Variants in ASIC2 observed in about 807,000 individuals in gnomAD.
ASIC2 encodes acid sensing ion channel subunit 2, also known as acid-sensing ion channel 2.
In ASIC2, 25 loss-of-function variants were observed where a neutral mutation model predicts 57.3. That is an observed-to-expected ratio of 0.44 (90% CI 0.32 to 0.61). The LOEUF (loss-of-function observed/expected upper bound fraction) is 0.61, where lower values mean the gene tolerates loss of function less well. ASIC2 is among the 20% of genes least tolerant of loss of function. The pLI, the probability that ASIC2 is intolerant of heterozygous loss-of-function variation, is 0.06. For missense variants in ASIC2, 641 were observed against 738.1 expected (o/e 0.87, Z 1.52); for synonymous variants, 319 against 307.5 (o/e 1.04, Z -0.39).
chr17:33,980,889 C>G (rs139808904), intron 1 of ASIC2: 16 of 151,950 alleles, frequency 1.1e-4, no homozygotes, highest in African/African-American at 3.9e-4. Context: ...CATCACAGCT[C>G]AGCTTCTCCC....
At chr17:33,280,574 A>G (rs1203463587) in intron 1 of ASIC2, among the ~76,000 whole-genome samples, 1 of 152,174 alleles carries the variant, frequency 6.6e-6, no homozygotes, top group Non-Finnish European at 1.5e-5. Flanking sequence ...GGATCCCCCA[A>G]CCCGAGATGT....
rs1028064050 is a variant in ASIC2 at position 33,374,882 on chromosome 17, C to T, written c.556-262815G>A. On this transcript the variant is annotated intron_variant, in intron 1 of 9. Coordinates refer to the ASIC2 transcript ENST00000359872. ...AAGCACCTTTGTAGAGAGATGATCT[C>T]GTTTACTTTGAACCACAGCCATGAG... Among the ~76,000 whole-genome samples, 7 of 152,208 alleles carry T rather than the reference C, an allele frequency of 4.6e-5. No individual in the cohort carries two copies. In the South Asian group the frequency reaches 8.3e-4, roughly 18 times the overall value.
chr17:33,337,070 G>T (rs1284683698), intron 1 of ASIC2, among the ~76,000 whole-genome samples: 1 of 46,066 alleles, frequency 2.2e-5, no homozygotes, highest in Non-Finnish European at 4.6e-5. Flanking sequence ...CTGGCTTTGT[G>T]CTCCTGGGGG....
chr17:33,959,095 C>T (rs1281631034), intron 1 of ASIC2, among the ~76,000 whole-genome samples: 2 of 152,194 alleles, frequency 1.3e-5, no homozygotes, highest in Non-Finnish European at 2.9e-5. Context: ...GTCCATAACG[C>T]TATCAGTATT....
intron 1 of ASIC2, among the ~76,000 whole-genome samples, chr17:33,197,403 C>T (rs575648254): frequency 2.0e-5 from 3 of 152,332 alleles, no homozygotes; most frequent in East Asian, 3.9e-4. Context: ...GGGTGTTTCT[C>T]TGATCCTCTT....
At chr17:33,647,105 CT>C (rs1906765136) in intron 1 of ASIC2, among the ~76,000 whole-genome samples, 1 of 152,106 alleles carries the variant, frequency 6.6e-6, no homozygotes, top group East Asian at 1.9e-4. Flanking sequence ...GAGTGGAGGA[CT>C]GTCTTGAATG....
At chr17:33,780,336 G>C (rs1378864285) in intron 1 of ASIC2, among the ~76,000 whole-genome samples, 1 of 152,070 alleles carries the variant, frequency 6.6e-6, no homozygotes, top group Non-Finnish European at 1.5e-5. Context: ...CAAGTGGGCT[G>C]AGGATATATA....
rs550739805 is a variant in ASIC2 at position 33,822,638 on chromosome 17, A to G, written c.555+333340T>C. 4.6e-5 allele frequency among the ~76,000 whole-genome samples: 7 copies of G among 152,300 alleles called. No individual in the cohort carries two copies. The East Asian group carries it at 7.7e-4, about 17-fold the overall frequency. On this transcript the variant is annotated intron_variant, in intron 1 of 9. Transcript: ENST00000359872. The stretch of plus-strand genomic sequence containing the variant: ...TCAAGTCCTGAATTGATCAATAACT[A>G]TGTTTATTCTTGCTCTGATTCTTGT...
At chr17:33,964,793 C>T (rs180777220) in intron 1 of ASIC2, among the ~76,000 whole-genome samples, 6 of 152,292 alleles carry the variant, frequency 3.9e-5, no homozygotes, top group Admixed American at 3.9e-4. Flanking sequence ...TGAAGGCAGC[C>T]GCCTGCGGTG....
intron 1 of ASIC2, among the ~76,000 whole-genome samples, chr17:33,777,986 G>C (rs532233961): frequency 6.6e-6 from 1 of 152,182 alleles, no homozygotes; most frequent in African/African-American, 2.4e-5. Context: ...TGTCAATGTG[G>C]CCCTTCTCAG....
intron 1 of ASIC2, among the ~76,000 whole-genome samples, chr17:33,672,124 A>G (rs968370465): frequency 6.6e-6 from 1 of 152,202 alleles, no homozygotes; most frequent in Non-Finnish European, 1.5e-5. Flanking sequence ...AACCCTTGGC[A>G]GTCATTTTTC....
At chr17:33,973,852 G>T (rs994165279) in intron 1 of ASIC2, among the ~76,000 whole-genome samples, 1 of 152,254 alleles carries the variant, frequency 6.6e-6, no homozygotes, top group South Asian at 2.1e-4. Context: ...CCCAAACAGG[G>T]CCTGCTTGGT....
At chr17:33,752,179 TGGCCCTCTGA>T (rs1222652479) in intron 1 of ASIC2, among the ~76,000 whole-genome samples, 30 of 152,108 alleles carry the variant, frequency 2.0e-4, no homozygotes, top group Admixed American at 2.0e-3. Flanking sequence ...ACTCAGCTGG[TGGCCCTCTGA>T]GAGTCGGCCC....
intron 1 of ASIC2, among the ~76,000 whole-genome samples, chr17:33,703,015 T>C (rs1908750167): frequency 6.6e-6 from 1 of 152,186 alleles, no homozygotes; most frequent in Non-Finnish European, 1.5e-5. Context: ...TTCATTTTAA[T>C]AGTGGCCTGG....
chr17:33,081,566 A>C (rs1263329817), intron 3 of ASIC2, among the ~76,000 whole-genome samples: 1 of 152,242 alleles, frequency 6.6e-6, no homozygotes, highest in Non-Finnish European at 1.5e-5. Flanking sequence ...CTGCCTTGAA[A>C]AAAACCAACT....
chr17:33,812,557 T>C (rs1427923246), intron 1 of ASIC2, among the ~76,000 whole-genome samples: 1 of 152,060 alleles, frequency 6.6e-6, no homozygotes, highest in Non-Finnish European at 1.5e-5. Context: ...TCGCCCATAT[T>C]GCTCCAGCCC....
At chr17:33,776,927 C>G (rs1911297332) in intron 1 of ASIC2, among the ~76,000 whole-genome samples, 1 of 152,184 alleles carries the variant, frequency 6.6e-6, no homozygotes, top group Non-Finnish European at 1.5e-5. Context: ...GCTGGGTGAC[C>G]TCCCATCTCC....
chr17:34,112,156 C>A (rs1036517366), intron 1 of ASIC2, among the ~76,000 whole-genome samples: 1 of 151,818 alleles, frequency 6.6e-6, no homozygotes, highest in Admixed American at 6.6e-5. Context: ...TAGAAGAGAC[C>A]AAAATCTGAA....
At chr17:33,604,269 C>G (rs1369792792) in intron 1 of ASIC2, among the ~76,000 whole-genome samples, 1 of 152,186 alleles carries the variant, frequency 6.6e-6, no homozygotes, top group Admixed American at 6.6e-5. Context: ...TGTTTGTATT[C>G]TGAGGCTTCC....
Sources: allele counts gnomAD v4.1 joint callset (sites outside exome capture counted in the v4.1 genomes callset), GRCh38; gene constraint gnomAD v4.1.1; transcripts MANE v1.5; gene names NCBI Gene and HGNC (gene_info 2026-07-23, HGNC 2026-07-21).